TCF20: variants seen among roughly 807,000 people sequenced by gnomAD.
TCF20 encodes the protein transcription factor 20, also known as SPRE-binding protein.
A neutral mutation model predicts 148.6 loss-of-function variants in TCF20; 3 were observed. That is an observed-to-expected ratio of 0.02 (90% CI 0.01 to 0.05). The LOEUF is 0.05. Among genes scored for constraint, TCF20 ranks in the 10% least tolerant of loss-of-function variants. TCF20 has a pLI of 1.00. For missense variants in TCF20, 2,350 were observed against 2,429.3 expected (o/e 0.97, Z 0.69); for synonymous variants, 1,049 against 909.5 (o/e 1.15, Z -2.76).
chr22:42,280,480 CA>C (rs1047199946), intron 1 of TCF20, among the ~76,000 whole-genome samples: 1 of 152,230 alleles, frequency 6.6e-6, no homozygotes, highest in African/African-American at 2.4e-5. Flanking sequence ...CAGAAACTAC[CA>C]AATCTCTGGG....
intron 2 of TCF20, among the ~76,000 whole-genome samples, chr22:42,182,860 C>G (rs1455458859): frequency 2.0e-5 from 3 of 152,178 alleles, no homozygotes; most frequent in African/African-American, 7.2e-5. Context: ...CCTCAGCTTC[C>G]CAAGTAGCTA....
At chr22:42,185,672 C>A (rs1937010377) in intron 2 of TCF20, among the ~76,000 whole-genome samples, 1 of 152,224 alleles carries the variant, frequency 6.6e-6, no homozygotes, top group Admixed American at 6.5e-5. Context: ...TTTGATGCAA[C>A]TCTGCATCCT....
intron 1 of TCF20, among the ~76,000 whole-genome samples, chr22:42,252,218 C>A (rs547085356): frequency 2.0e-3 from 304 of 150,156 alleles, no homozygotes; most frequent in African/African-American, 7.2e-3. Context: ...ACCCAAGAGA[C>A]AGAGGTTGCA....
chr22:42,280,931 C>G (rs1182982054), intron 1 of TCF20, among the ~76,000 whole-genome samples: 1 of 152,184 alleles, frequency 6.6e-6, no homozygotes, highest in African/African-American at 2.4e-5. Context: ...CTTGAAGCCA[C>G]ACAGCTAGGA....
intron 2 of TCF20, among the ~76,000 whole-genome samples, chr22:42,180,604 A>G (rs758564350): frequency 7.9e-5 from 12 of 152,202 alleles, no homozygotes; most frequent in Non-Finnish European, 1.2e-4. Context: ...TCCTGCTTCT[A>G]TGAAAAATAA....
chr22:42,164,100 G>A (rs181020301), intron 5 of TCF20, among the ~76,000 whole-genome samples: 36 of 152,062 alleles, frequency 2.4e-4, no homozygotes, highest in African/African-American at 8.0e-4. Context: ...CACTAATTCC[G>A]ACTAGAGAGG....
intron 2 of TCF20, among the ~76,000 whole-genome samples, chr22:42,185,303 T>C (rs1936991546): frequency 1.3e-5 from 2 of 152,220 alleles, no homozygotes; most frequent in Non-Finnish European, 2.9e-5. Flanking sequence ...TTACTCATGT[T>C]TGTCCATCTC....
intron 2 of TCF20, among the ~76,000 whole-genome samples, chr22:42,181,786 T>C (rs568594466): frequency 7.6e-4 from 116 of 152,050 alleles, no homozygotes; most frequent in South Asian, 3.7e-3. Context: ...TTTCAAAAAA[T>C]GTTTTTGTAG....
At chr22:42,231,756 C>T (rs941848800) in intron 1 of TCF20, among the ~76,000 whole-genome samples, 3 of 151,820 alleles carry the variant, frequency 2.0e-5, no homozygotes, top group South Asian at 4.2e-4. Context: ...GGTGAAACCC[C>T]GTCTCTACTA....
intron 1 of TCF20, among the ~76,000 whole-genome samples, chr22:42,324,050 T>A (rs796659415): frequency 0.063 from 5,337 of 85,094 alleles, 88 homozygotes; most frequent in Non-Finnish European, 0.1. Flanking sequence ...ATGGTGGTGG[T>A]GGTGGTGGTG....
At chr22:42,263,080 C>T (rs1182814899) in intron 1 of TCF20, among the ~76,000 whole-genome samples, 4 of 152,182 alleles carry the variant, frequency 2.6e-5, no homozygotes, top group African/African-American at 9.7e-5. Context: ...CTTCCCCCAA[C>T]AGCCCAAAAG....
intron 2 of TCF20, among the ~76,000 whole-genome samples, chr22:42,183,919 C>T (rs558344662): frequency 6.6e-6 from 1 of 152,234 alleles, no homozygotes; most frequent in Non-Finnish European, 1.5e-5. Context: ...CAGGCACCTG[C>T]CACCACGCCC....
intron 1 of TCF20, among the ~76,000 whole-genome samples, chr22:42,309,926 A>C (rs575346463): frequency 1.3e-5 from 2 of 152,312 alleles, no homozygotes; most frequent in South Asian, 2.1e-4. Flanking sequence ...GTTGTGTCCA[A>C]GGCTAACTCC....
chr22:42,283,419 G>A (rs1030620617), intron 1 of TCF20, among the ~76,000 whole-genome samples: 1 of 151,976 alleles, frequency 6.6e-6, no homozygotes, highest in South Asian at 2.1e-4. Flanking sequence ...CTGGACCGGA[G>A]GGGACGGGGG....
At chr22:42,267,721 T>C (rs1601681373) in intron 1 of TCF20, among the ~76,000 whole-genome samples, 1 of 150,860 alleles carries the variant, frequency 6.6e-6, no homozygotes, top group South Asian at 2.1e-4. Context: ...CAAAAAAGTG[T>C]TTACTTGTGT....
chr22:42,237,212 G>A (rs891360636), intron 1 of TCF20, among the ~76,000 whole-genome samples: 18 of 152,132 alleles, frequency 1.2e-4, no homozygotes, highest in Admixed American at 1.1e-3. Context: ...AATCAACTAC[G>A]TTTATGTAAT....
chr22:42,294,291 C>T (rs977865353), intron 1 of TCF20, among the ~76,000 whole-genome samples: 2 of 152,244 alleles, frequency 1.3e-5, no homozygotes, highest in Admixed American at 1.3e-4. Context: ...CCCGCGACCC[C>T]GCCCTAGCCC....
intron 1 of TCF20, among the ~76,000 whole-genome samples, chr22:42,245,351 C>A (rs994048669): frequency 6.6e-6 from 1 of 152,006 alleles, no homozygotes; most frequent in South Asian, 2.1e-4. Flanking sequence ...CCATTGTAGG[C>A]GTCAACTACT....
chr22:42,211,139 C>T lies in TCF20; in HGVS notation c.4167G>A (p.Lys1389=), dbSNP rs370868872. Residue 1389 remains lysine, a synonymous_variant, in exon 2 of 6, where the codon AAG becomes AAA. Transcript: ENST00000677622. ...CACTCCCACCTTCAGGAGGACCACT[C>T]TTCAAAGACAGTATATCATCAAGCG... The part of the protein sequence containing the change: ...TVTLDDILSL[K]SGPPEGGSVA... 1.2e-6 allele frequency: 2 copies of T among 1,614,230 alleles called. No homozygotes were observed. The highest frequency in any genetic ancestry group is 1.7e-6 in the Non-Finnish European group (2 of 1,180,044).
Sources: allele counts gnomAD v4.1 joint callset (sites outside exome capture counted in the v4.1 genomes callset), GRCh38; gene constraint gnomAD v4.1.1; transcripts MANE v1.5; gene names NCBI Gene and HGNC (gene_info 2026-07-23, HGNC 2026-07-21).